The following STAG2 variants were observed in gnomAD, a reference collection of about 807,000 sequenced individuals.
STAG2 encodes cohesin subunit SA-2.
STAG2 carries 14 observed loss-of-function variants against 108.1 expected under a neutral mutation model. That is an observed-to-expected ratio of 0.13 (90% CI 0.09 to 0.20). STAG2 has a LOEUF of 0.20. STAG2 is among the 10% of genes least tolerant of loss of function. STAG2 has a pLI of 1.00. For synonymous variants in STAG2, 307 were observed against 302.7 expected (o/e 1.01, Z -0.15); for missense variants, 440 against 940.9 (o/e 0.47, Z 6.96).
At chrX:124,056,731 T>TAAAAAAAAAAAAAAAAAAAAAAAAA (rs771229412) in intron 14 of STAG2, among the ~76,000 whole-genome samples, 1 of 42,381 alleles carries the variant, frequency 2.4e-5, no homozygotes, top group Non-Finnish European at 3.9e-5. Context: ...AGACTCCATC[T>TAAAAAAAAAAAAAAAAAAAAAAAAA]AAAAAAAAAA....
chrX:124,005,930 G>C (rs1281745127), intron 1 of STAG2, among the ~76,000 whole-genome samples: 1 of 111,456 alleles, frequency 9.0e-6, no homozygotes, highest in African/African-American at 3.3e-5. Context: ...GGTGTCCTTT[G>C]GCTGGTAGAA....
chrX:124,044,459 T>TA (rs1311774141), intron 7 of STAG2, among the ~76,000 whole-genome samples: 1 of 111,943 alleles, frequency 8.9e-6, no homozygotes, highest in Non-Finnish European at 1.9e-5. Flanking sequence ...TGAACTGAAT[T>TA]ACCTTACATC....
chrX:124,053,619 T>C (rs757483103), intron 13 of STAG2, among the ~76,000 whole-genome samples: 1 of 111,535 alleles, frequency 9.0e-6, no homozygotes, highest in Non-Finnish European at 1.9e-5. Context: ...ATTTTGGTCC[T>C]GGTACATGAA....
At chrX:124,025,787 A>T in intron 3 of STAG2, 53 bp from the exon 4 acceptor site, 1 of 906,904 alleles carries the variant, frequency 1.1e-6, no homozygotes. Flanking sequence ...AAAAATTAGA[A>T]ACTCAATATA....
chrX:124,007,842 G>C (rs1054449376), intron 1 of STAG2, among the ~76,000 whole-genome samples: 2 of 112,028 alleles, frequency 1.8e-5, no homozygotes, highest in Non-Finnish European at 3.8e-5. Flanking sequence ...TTTATGTTGT[G>C]AGAGTTGAAT....
chrX:124,100,568 C>T lies in STAG2; in HGVS notation c.3784-6C>T, dbSNP rs2148536148. On this transcript the variant is annotated splice_polypyrimidine_tract_variant and splice_region_variant and intron_variant, in intron 34 of 34. Transcript: ENST00000371145. ...GAGATTTTCTCCCCTCTCTCTCTCT[C>T]ATTAGGTTCTTGGAGTGTCAATGTT... 2.5e-6 allele frequency: 3 copies of T among 1,194,439 alleles called. No individual in the cohort carries two copies. Among genetic ancestry groups the T allele is most frequent in the Non-Finnish European group, 2.3e-6 (2 of 881,489 alleles).
intron 1 of STAG2, among the ~76,000 whole-genome samples, chrX:123,986,861 A>G (rs2055209536): frequency 1.8e-5 from 2 of 110,372 alleles, no homozygotes; most frequent in African/African-American, 6.6e-5. Context: ...TTTTTTTAGA[A>G]TATCTTTTTT....
At chrX:124,002,819 T>C (rs972511976) in intron 1 of STAG2, among the ~76,000 whole-genome samples, 1 of 106,422 alleles carries the variant, frequency 9.4e-6, no homozygotes, top group Non-Finnish European at 1.9e-5. Flanking sequence ...TTTCTTTTTT[T>C]TTTTTTTTGT....
intron 14 of STAG2, 49 bp from the exon 15 acceptor site, chrX:124,057,817 A>G (rs1603059186): frequency 1.1e-6 from 1 of 877,863 alleles, no homozygotes; most frequent in Non-Finnish European, 1.6e-6. Flanking sequence ...TTTATTAGAA[A>G]ATTTTTTGTT....
intron 24 of STAG2, among the ~76,000 whole-genome samples, 165 bp from the exon 25 acceptor site, chrX:124,070,984 G>A (rs764154069): frequency 9.0e-6 from 1 of 111,649 alleles, no homozygotes; most frequent in South Asian, 3.7e-4. Flanking sequence ...ATTATACTTC[G>A]CAGCTTTAGA....
intron 20 of STAG2, among the ~76,000 whole-genome samples, chrX:124,064,496 C>T (rs1003184768): frequency 9.5e-6 from 1 of 104,719 alleles, no homozygotes; most frequent in African/African-American, 3.5e-5. Flanking sequence ...CAGGCTGGAG[C>T]GCAGTGGTAC....
At chrX:124,081,357 A>T in intron 27 of STAG2, 23 bp from the exon 28 acceptor site, 1 of 1,091,539 alleles carries the variant, frequency 9.2e-7, no homozygotes, top group Non-Finnish European at 1.2e-6. Flanking sequence ...GAACTTTAAC[A>T]TGCTTTCTTT....
At chrX:124,088,610 A>G (rs1199714717) in intron 30 of STAG2, among the ~76,000 whole-genome samples, 1 of 88,636 alleles carries the variant, frequency 1.1e-5, no homozygotes, top group African/African-American at 3.9e-5. Context: ...GCAAATATGT[A>G]TAATCTTTTT....
Position 124,031,077 on chromosome X carries a change from A to G in STAG2, c.240A>G (p.Glu80=). 2 of 1,210,716 alleles carry G rather than the reference A, an allele frequency of 1.7e-6. No homozygotes were observed. The highest frequency in any genetic ancestry group is 2.2e-6 in the Non-Finnish European group (2 of 895,117). Reference sequence around the variant, plus strand: ...GTCATCACCAACAGAATGGAGTGGAAAACATGATGTTGTTTGAAGTTGTTA... The same window carrying G: ...GTCATCACCAACAGAATGGAGTGGAGAACATGATGTTGTTTGAAGTTGTTA... ...MNGHHQQNGV[E]NMMLFEVVKM... Residue 80 remains glutamate, a synonymous_variant, in exon 5 of 35, where the codon GAA becomes GAG. Transcript: ENST00000371145.
intron 8 of STAG2, among the ~76,000 whole-genome samples, chrX:124,046,912 A>G (rs976907852): frequency 8.9e-6 from 1 of 112,017 alleles, no homozygotes; most frequent in Non-Finnish European, 1.9e-5. Context: ...CCTTTTAATT[A>G]CTGAATAGCT....
chrX:124,068,716 A>C, intron 24 of STAG2, 60 bp downstream of exon 24: 2 of 821,075 alleles, frequency 2.4e-6, no homozygotes, highest in South Asian at 2.5e-5. Context: ...ATCTGAACTA[A>C]TGTAGAAAGT....
intron 11 of STAG2, among the ~76,000 whole-genome samples, chrX:124,050,853 T>G (rs1396147490): frequency 8.9e-6 from 1 of 111,799 alleles, no homozygotes; most frequent in Non-Finnish European, 1.9e-5. Context: ...CATGCTTCTA[T>G]TGTTTTTCAC....
chrX:124,032,580 C>T (rs1323487832), intron 5 of STAG2, among the ~76,000 whole-genome samples: 1 of 110,347 alleles, frequency 9.1e-6, no homozygotes, highest in Non-Finnish European at 1.9e-5. Context: ...GGTAGTTTTT[C>T]AGTCCCCACC....
At chrX:123,990,404 A>G (rs1417906229) in intron 1 of STAG2, among the ~76,000 whole-genome samples, 1 of 111,967 alleles carries the variant, frequency 8.9e-6, no homozygotes, top group Non-Finnish European at 1.9e-5. Context: ...GTACTTTAGT[A>G]TGGAGAGTTA....
Sources: allele counts gnomAD v4.1 joint callset (sites outside exome capture counted in the v4.1 genomes callset), GRCh38; gene constraint gnomAD v4.1.1; transcripts MANE v1.5; gene names NCBI Gene and HGNC (gene_info 2026-07-23, HGNC 2026-07-21).